NTF3: variants seen among roughly 807,000 people sequenced by gnomAD.
The protein encoded by NTF3 is neurotrophin-3.
A neutral mutation model predicts 26.3 loss-of-function variants in NTF3; 8 were observed. The observed-to-expected ratio is 0.30, with a 90% CI of 0.18 to 0.55. The LOEUF is 0.55. Among genes scored for constraint, NTF3 ranks in the 20% least tolerant of loss-of-function variants. The pLI, the probability that NTF3 is intolerant of heterozygous loss-of-function variation, is 0.93. For missense variants in NTF3, 276 were observed against 352.9 expected, an observed-to-expected ratio of 0.78 and a Z score of 1.75; for synonymous variants, 154 against 145.5, an observed-to-expected ratio of 1.06 and a Z score of -0.42.
intron 1 of NTF3, among the ~76,000 whole-genome samples, chr12:5,480,700 G>C (rs1350622950): frequency 6.6e-6 from 1 of 152,012 alleles, no homozygotes; most frequent in Non-Finnish European, 1.5e-5. Context: ...AGACCACGGA[G>C]GAGGTGACCA....
intron 1 of NTF3, among the ~76,000 whole-genome samples, chr12:5,440,647 T>C (rs1414692325): frequency 6.6e-6 from 1 of 152,214 alleles, no homozygotes; most frequent in African/African-American, 2.4e-5. Flanking sequence ...CTACCTTAAA[T>C]AGCTTGCCAC....
At position 5,494,016 on chromosome 12, in the gene NTF3, G is replaced by A; in HGVS notation, c.19-178G>A. On this transcript the variant is annotated intron_variant, in intron 1 of 1. Transcript: ENST00000423158. The surrounding 1 kb of genome is among the most constrained non-coding windows in gnomAD (Gnocchi z 8.3). ...TGGAGTGCATTCGCAGTATCTCCCGGGGGTGGGGGAAAGAAATCACCTCTT... is the reference window on the plus strand; with the variant it reads ...TGGAGTGCATTCGCAGTATCTCCCGAGGGTGGGGGAAAGAAATCACCTCTT... 1.6e-6 allele frequency: 1 copy of A among 615,304 alleles called. No individual in the cohort carries two copies. Among genetic ancestry groups the A allele is most frequent in the Non-Finnish European group, 2.8e-6 (1 of 352,116 alleles). 38.1% of individuals were successfully genotyped at this position (615,304 alleles called of 1,614,324 possible).
At position 5,456,844 on chromosome 12, in the gene NTF3, T is replaced by G. The variant is rs1159417729; in HGVS notation, c.18+24502T>G. ...GTAGGTCAAGTGATTTGGGCCCGAG[T>G]TGACCCAGAGTCCCTAAATGACTGC... On this transcript the variant is annotated intron_variant, in intron 1 of 1. Transcript: ENST00000423158. The surrounding 1 kb of genome is among the most constrained non-coding windows in gnomAD (Gnocchi z 4.4). Among the ~76,000 whole-genome samples the G allele has an allele frequency of 6.6e-6, 1 of 152,212 alleles. No homozygotes were observed. The highest frequency in any genetic ancestry group is 1.5e-5 in the Non-Finnish European group (1 of 68,036).
intron 1 of NTF3, among the ~76,000 whole-genome samples, chr12:5,432,602 C>CACAG (rs1555141050): frequency 1.2e-3 from 163 of 132,636 alleles, no homozygotes; most frequent in African/African-American, 4.3e-3. Flanking sequence ...CACACACACA[C>CACAG]ACACAGACAC....
chr12:5,438,559 A>AT lies in NTF3; in HGVS notation c.18+6226dup, dbSNP rs75379575. 1.6e-3 allele frequency among the ~76,000 whole-genome samples: 238 copies of AT among 151,260 alleles called. 1 individual carries two copies. The highest frequency in any genetic ancestry group is 5.4e-3 in the African/African-American group (221 of 41,258). On this transcript the variant is annotated intron_variant, in intron 1 of 1. Coordinates refer to ENST00000423158, the MANE Select transcript of NTF3 (RefSeq NM_001102654.2). The stretch of plus-strand genomic sequence containing the variant: ...CCAGAGAAGACATTTGTTGAGCCCC[A>AT]TTTTTTTTTGTGGGTTTGTTCAGTC...
intron 1 of NTF3, among the ~76,000 whole-genome samples, chr12:5,458,006 A>C (rs2121184397): frequency 6.6e-6 from 1 of 152,252 alleles, no homozygotes; most frequent in South Asian, 2.1e-4. Context: ...CATACTTTGC[A>C]AAGTTAATTG....
chr12:5,490,853 T>C (rs1299136809), intron 1 of NTF3, among the ~76,000 whole-genome samples: 1 of 152,228 alleles, frequency 6.6e-6, no homozygotes, highest in African/African-American at 2.4e-5. Flanking sequence ...TAAAGATTGC[T>C]GTGAGCCAGA....
chr12:5,485,665 CA>C (rs1052312100), intron 1 of NTF3, among the ~76,000 whole-genome samples: 5 of 152,254 alleles, frequency 3.3e-5, no homozygotes, highest in South Asian at 2.1e-4. Context: ...GTGTTTGTGC[CA>C]AAATTGCTTT....
intron 1 of NTF3, among the ~76,000 whole-genome samples, chr12:5,449,043 T>C (rs1026141143): frequency 2.0e-5 from 3 of 152,174 alleles, no homozygotes; most frequent in Admixed American, 6.5e-5. Context: ...ACAACCCCTA[T>C]TGAATATCAC....
intron 1 of NTF3, among the ~76,000 whole-genome samples, chr12:5,453,305 CT>C (rs1412894849): frequency 1.3e-5 from 2 of 152,172 alleles, no homozygotes; most frequent in African/African-American, 2.4e-5. Context: ...ACTGCAAAGT[CT>C]TTTTTCCAGT....
chr12:5,435,225 G>A (rs910321686), intron 1 of NTF3, among the ~76,000 whole-genome samples: 7 of 152,188 alleles, frequency 4.6e-5, no homozygotes, highest in African/African-American at 1.7e-4. Flanking sequence ...TTATGTAATA[G>A]GAGAATTCAC....
At chr12:5,492,963 T>C (rs2121259327) in intron 1 of NTF3, among the ~76,000 whole-genome samples, 1 of 152,286 alleles carries the variant, frequency 6.6e-6, no homozygotes, top group East Asian at 1.9e-4. Context: ...GGGGAAGAGT[T>C]TTTATTTTCC....
At chr12:5,473,399 C>T (rs1416411098) in intron 1 of NTF3, among the ~76,000 whole-genome samples, 1 of 152,350 alleles carries the variant, frequency 6.6e-6, no homozygotes, top group East Asian at 1.9e-4. Flanking sequence ...CTCCCAGAGC[C>T]TTGTCCGTGC....
At chr12:5,481,089 A>G (rs1940786670) in intron 1 of NTF3, among the ~76,000 whole-genome samples, 1 of 152,044 alleles carries the variant, frequency 6.6e-6, no homozygotes, top group Admixed American at 6.5e-5. Flanking sequence ...CTGTGCTGAA[A>G]GGGACCCAGA....
At chr12:5,461,870 T>C (rs1234901536) in intron 1 of NTF3, among the ~76,000 whole-genome samples, 6 of 152,182 alleles carry the variant, frequency 3.9e-5, no homozygotes, top group Non-Finnish European at 7.3e-5. Context: ...TATTTTGGAA[T>C]AGCTATTTAA....
Position 5,433,763 on chromosome 12 carries a change from C to A in NTF3, c.18+1421C>A, listed in dbSNP as rs1248138893. 2.0e-5 allele frequency among the ~76,000 whole-genome samples: 3 copies of A among 151,828 alleles called. No homozygotes were observed. The highest frequency in any genetic ancestry group is 7.3e-5 in the African/African-American group (3 of 41,320). ...TTCTGAGTCCGAATGGAGGTTGCTC[C>A]CGGGAGCGCCGGGCTCAGAGCTAGA... On this transcript the variant is annotated intron_variant, in intron 1 of 1. Transcript: ENST00000423158. This position sits in a 1 kb window ranked among gnomAD's most constrained non-coding sequence, Gnocchi z 4.6.
At chr12:5,488,507 T>C (rs1314910110) in intron 1 of NTF3, among the ~76,000 whole-genome samples, 1 of 152,258 alleles carries the variant, frequency 6.6e-6, no homozygotes, top group Non-Finnish European at 1.5e-5. Flanking sequence ...AACATCATCA[T>C]GTGGCCCCAT....
intron 1 of NTF3, among the ~76,000 whole-genome samples, chr12:5,438,797 T>G (rs906282422): frequency 5.3e-5 from 8 of 152,218 alleles, no homozygotes; most frequent in African/African-American, 7.2e-5. Context: ...CTGTAGGACA[T>G]GACTTTGCCA....
At chr12:5,487,422 C>A (rs989701236) in intron 1 of NTF3, among the ~76,000 whole-genome samples, 1 of 152,246 alleles carries the variant, frequency 6.6e-6, no homozygotes, top group Non-Finnish European at 1.5e-5. Flanking sequence ...GGTTTCTTGT[C>A]TGTTCAGGGG....
Sources: allele counts gnomAD v4.1 joint callset (sites outside exome capture counted in the v4.1 genomes callset), GRCh38; gene constraint gnomAD v4.1.1; non-coding constraint Gnocchi (gnomAD v3.1); transcripts MANE v1.5; gene names NCBI Gene and HGNC (gene_info 2026-07-23, HGNC 2026-07-21).